The following SLC19A2 variants were observed in gnomAD, a reference collection of about 807,000 sequenced individuals.
SLC19A2 encodes solute carrier family 19 member 2, also known as thiamine transporter 1.
A neutral mutation model predicts 44.7 loss-of-function variants in SLC19A2; 27 were observed. The ratio of observed to expected loss-of-function variants is 0.60; its 90% CI spans 0.45 to 0.83. SLC19A2 has a LOEUF of 0.83. Ranked by LOEUF, SLC19A2 falls within the 40% of genes least tolerant of loss-of-function variation. The pLI is 0.00. For missense variants in SLC19A2, 566 were observed against 613.7 expected (o/e 0.92, Z 0.82); for synonymous variants, 239 against 243.6 (o/e 0.98, Z 0.18).
intron 5 of SLC19A2, 145 bp downstream of exon 5, chr1:169,467,966 A>G (rs1658073629): frequency 3.9e-6 from 3 of 774,186 alleles, no homozygotes; most frequent in Non-Finnish European, 2.2e-6. Flanking sequence ...ATAGGGGAGA[A>G]GATGTTGAAT....
In SLC19A2 at chr1:169,485,787, A is replaced by C; in HGVS notation, c.-21T>G. On this transcript the variant is annotated 5_prime_UTR_variant, in exon 1 of 6. Coordinates refer to ENST00000236137, the MANE Select transcript of SLC19A2 (RefSeq NM_006996.3). ...TCCATCCGGGGCGCGAGGGGAGGGG[A>C]CCCGGCCCGGCCCCTTCCTTCTCCT... The C allele has an allele frequency of 6.6e-7, 1 of 1,518,096 alleles. No homozygotes were observed. The allele number at this position is 1,518,096 out of a possible 1,614,324, so 94.0% of individuals were successfully genotyped here.
At chr1:169,468,551 A>C (rs1298670926) in intron 4 of SLC19A2, 93 bp downstream of exon 4, 1 of 1,050,392 alleles carries the variant, frequency 9.5e-7, no homozygotes, top group Non-Finnish European at 1.5e-6. Context: ...TGCCTCATTT[A>C]ACTAGAAACT....
intron 5 of SLC19A2, among the ~76,000 whole-genome samples, chr1:169,467,158 C>T (rs1658012947): frequency 6.6e-6 from 1 of 152,150 alleles, no homozygotes; most frequent in South Asian, 2.1e-4. Context: ...CTCCCTTATA[C>T]AGGGAGGATG....
chr1:169,466,825 C>T (rs1230880681), intron 5 of SLC19A2, among the ~76,000 whole-genome samples: 2 of 151,794 alleles, frequency 1.3e-5, no homozygotes, highest in African/African-American at 4.8e-5. Context: ...CGGATGATGC[C>T]CTAAGCGAAA....
intron 2 of SLC19A2, among the ~76,000 whole-genome samples, chr1:169,476,284 A>C (rs1056348080): frequency 6.6e-6 from 1 of 152,216 alleles, no homozygotes; most frequent in African/African-American, 2.4e-5. Flanking sequence ...TTATTCCATC[A>C]CCACCTCAAA....
chr1:169,479,261 A>C (rs1187953839), intron 1 of SLC19A2, among the ~76,000 whole-genome samples: 1 of 152,234 alleles, frequency 6.6e-6, no homozygotes, highest in Non-Finnish European at 1.5e-5. Context: ...TCTTGACAGA[A>C]TTAAGTCTCT....
chr1:169,477,673 A>C lies in SLC19A2; in HGVS notation c.289T>G (p.Tyr97Asp). 6.2e-7 allele frequency: 1 copy of C among 1,614,154 alleles called. No individual in the cohort carries two copies. Among genetic ancestry groups the C allele is most frequent in the Non-Finnish European group, 8.5e-7 (1 of 1,180,020 alleles). Residue 97 changes from tyrosine to aspartate, a missense_variant, in exon 2 of 6, where the codon TAT becomes GAT. Transcript: ENST00000236137. ...CCCTGCAGTAGAACAACAGGTTTAT[A>C]ACGGAGGTAGTCTGTGGCAAGGAAC... ...PVFLATDYLR[Y>D]KPVVLLQGLS...
intron 1 of SLC19A2, among the ~76,000 whole-genome samples, chr1:169,479,970 T>C (rs535103216): frequency 2.4e-4 from 37 of 152,352 alleles, no homozygotes; most frequent in African/African-American, 8.7e-4. Context: ...ATAATCCCTG[T>C]TTTCTGAAAT....
Position 169,477,517 on chromosome 1 carries a change from C to T in SLC19A2, c.445G>A (p.Val149Met), listed in dbSNP as rs971385604. 1.2e-6 allele frequency: 2 copies of T among 1,614,012 alleles called. No homozygotes were observed. Among genetic ancestry groups the T allele is most frequent in the African/African-American group, 1.3e-5 (1 of 74,898 alleles). ...ACTTTCTGGTACATGCCCAGGTCCA[C>T]CACACTGTAGATATAAGAGTAATAG... ...IAYYSYIYSV[V>M]DLGMYQKVTS... is the part of the protein sequence containing the mutation. The change falls in exon 2 of 6, where the codon GTG becomes ATG. Residue 149 changes from valine to methionine, a missense_variant. By Grantham distance (21) the Val-to-Met change is conservative. Transcript: ENST00000236137.
At chr1:169,468,284 G>T (rs1307181729) in intron 4 of SLC19A2, 32 bp from the exon 5 acceptor site, 3 of 1,565,162 alleles carry the variant, frequency 1.9e-6, no homozygotes, top group Non-Finnish European at 2.6e-6. Context: ...GAATAAATAA[G>T]AATTACTTCT....
In SLC19A2 at chr1:169,465,478, C is replaced by CA. The variant is rs1255498612; in HGVS notation, c.*370dup. 1 of 256,494 alleles carries CA rather than the reference C, an allele frequency of 3.9e-6. No individual in the cohort carries two copies. Among genetic ancestry groups the CA allele is most frequent in the Non-Finnish European group, 7.6e-6 (1 of 131,414 alleles). 15.9% of individuals were successfully genotyped at this position (256,494 alleles called of 1,614,324 possible). On this transcript the variant is annotated 3_prime_UTR_variant, in exon 6 of 6. Coordinates refer to ENST00000236137, the MANE Select transcript of SLC19A2 (RefSeq NM_006996.3). Reference sequence around the variant, plus strand: ...CTGTGGAGCCCTGGTCCCACCAGGCCAAGCATCTGGCTAAGTAGATACAGA... The same window carrying CA: ...CTGTGGAGCCCTGGTCCCACCAGGCCAAAGCATCTGGCTAAGTAGATACAGA...
At chr1:169,467,683 C>T (rs140605782) in intron 5 of SLC19A2, among the ~76,000 whole-genome samples, 2 of 152,188 alleles carry the variant, frequency 1.3e-5, no homozygotes, top group Non-Finnish European at 2.9e-5. Context: ...AAGGCATTAC[C>T]GTGGTATTTG....
chr1:169,471,614 G>A (rs994416392), intron 2 of SLC19A2, among the ~76,000 whole-genome samples: 1 of 149,826 alleles, frequency 6.7e-6, no homozygotes, highest in African/African-American at 2.5e-5. Context: ...GCAGTGATCC[G>A]TGATCACGCC....
rs1360997010 is a variant in SLC19A2 at position 169,464,990 on chromosome 1, C to T, written c.*859G>A. The T allele has an allele frequency of 1.3e-5, 2 of 152,146 alleles. No homozygotes were observed. The highest frequency in any genetic ancestry group is 1.3e-4 in the Admixed American group (2 of 15,250). 9.4% of individuals were successfully genotyped at this position (152,146 alleles called of 1,614,324 possible). On this transcript the variant is annotated 3_prime_UTR_variant, in exon 6 of 6. Transcript: ENST00000236137. The stretch of plus-strand genomic sequence containing the variant: ...AAAAGGGAATACAAATACAAATGGC[C>T]TAGTTACATCTTTAGCCTATATATG...
At chr1:169,475,669 A>G (rs1286766242) in intron 2 of SLC19A2, among the ~76,000 whole-genome samples, 2 of 152,104 alleles carry the variant, frequency 1.3e-5, no homozygotes, top group African/African-American at 4.8e-5. Context: ...TCACCTAACA[A>G]ACTATGAAAA....
At chr1:169,482,818 T>C (rs182816440) in intron 1 of SLC19A2, among the ~76,000 whole-genome samples, 30 of 152,234 alleles carry the variant, frequency 2.0e-4, no homozygotes, top group South Asian at 4.1e-4. Flanking sequence ...AGCTTGGTTA[T>C]GTGGAAGTGG....
Position 169,485,782 on chromosome 1 carries a change from A to C in SLC19A2, c.-16T>G. 6.6e-7 allele frequency: 1 copy of C among 1,522,944 alleles called. No homozygotes were observed. Among genetic ancestry groups the C allele is most frequent in the Non-Finnish European group, 8.8e-7 (1 of 1,141,380 alleles). 94.3% of individuals were successfully genotyped at this position (1,522,944 alleles called of 1,614,324 possible). ...GCACATCCATCCGGGGCGCGAGGGG[A>C]GGGGACCCGGCCCGGCCCCTTCCTT... On this transcript the variant is annotated 5_prime_UTR_variant, in exon 1 of 6. Coordinates refer to ENST00000236137, the MANE Select transcript of SLC19A2 (RefSeq NM_006996.3).
rs1658133201 is a variant in SLC19A2, at chr1:169,470,106, G to C, written c.888C>G (p.Leu296=). 3.1e-6 allele frequency: 5 copies of C among 1,614,098 alleles called. No individual in the cohort carries two copies. Among genetic ancestry groups the C allele is most frequent in the Non-Finnish European group, 4.2e-6 (5 of 1,179,990 alleles). The change falls in exon 3 of 6, where the codon CTC becomes CTG. Residue 296 remains leucine, a synonymous_variant. Coordinates refer to ENST00000236137, the MANE Select transcript of SLC19A2 (RefSeq NM_006996.3). The part of the protein sequence containing the change: ...FLMCYSSRPL[L]CWSVWWALST... ...AGAGGGCCCACCACACAGACCAGCA[G>C]AGAAGAGGGCGAGAGGAGTAGCACA...
chr1:169,466,011 A>G lies in SLC19A2; in HGVS notation c.1366-34T>C. On this transcript the variant is annotated intron_variant, in intron 5 of 5. Transcript: ENST00000236137. ...GGGAAAAGCAGTTTATTGAATTATC[A>G]ATGACAAGAGGATTACTCTATAATA... The G allele has an allele frequency of 1.9e-6, 3 of 1,612,436 alleles. No homozygotes were observed. In the South Asian group the frequency reaches 3.3e-5, roughly 18 times the overall value.
Sources: gnomAD v4.1 joint callset for allele counts (sites outside exome capture counted in the v4.1 genomes callset) on GRCh38, gnomAD v4.1.1 for gene constraint, MANE v1.5 for transcripts, NCBI Gene and HGNC (gene_info 2026-07-23, HGNC 2026-07-21) for gene names.